BRI3BP: variants seen among roughly 807,000 people sequenced by gnomAD.
BRI3BP encodes the protein BRI3-binding protein.
BRI3BP carries 7 observed loss-of-function variants against 15.8 expected under a neutral mutation model. The ratio of observed to expected loss-of-function variants is 0.44; its 90% confidence interval spans 0.25 to 0.83. BRI3BP has a LOEUF of 0.83. Ranked by LOEUF, BRI3BP falls within the 40% of genes least tolerant of loss-of-function variation. The pLI is 0.20. For missense variants in BRI3BP, 320 were observed against 339.3 expected (o/e 0.94, Z 0.45); for synonymous variants, 192 against 163.5 (o/e 1.17, Z -1.33).
intron 2 of BRI3BP, among the ~76,000 whole-genome samples, chr12:125,016,171 C>T (rs1310959293): frequency 3.3e-5 from 5 of 152,104 alleles, no homozygotes; most frequent in South Asian, 2.1e-4. Context: ...AGCTTGCTTC[C>T]GTGTCGAAGC....
In BRI3BP at chr12:125,028,895, GA is replaced by G. The variant is rs1202510412; in HGVS notation, c.*3466del. On this transcript the variant is annotated 3_prime_UTR_variant, in exon 3 of 3. Coordinates refer to ENST00000341446, the MANE Select transcript of BRI3BP (RefSeq NM_080626.6). ...ATTTTTGTACCATATCTCATACCTG[GA>G]GAGAAACCTTTTTTCTATCTTCAGG... 6.6e-6 allele frequency: 1 copy of G among 152,088 alleles called. No individual in the cohort carries two copies. The highest frequency in any genetic ancestry group is 1.5e-5 in the Non-Finnish European group (1 of 68,022). The allele number at this position is 152,088 out of a possible 1,614,324, so 9.4% of individuals were successfully genotyped here. A position where few individuals can be genotyped will look rare whatever the true frequency, so the allele number is the denominator to read the frequency against.
chr12:125,032,867 G>C (rs1048703938), downstream of BRI3BP, among the ~76,000 whole-genome samples: 1 of 152,208 alleles, frequency 6.6e-6, no homozygotes, highest in Non-Finnish European at 1.5e-5. Context: ...ATCGGATGGG[G>C]ATTAAGAGGA....
Position 125,007,667 on chromosome 12 carries a change from C to T in BRI3BP, c.214-4867C>T, listed in dbSNP as rs576310939. ...CCAGGAGTTTGAGACTGCAGTGAGC[C>T]GTAATTACCCCCACTGTACTCCAGG... is the stretch of plus-strand genomic sequence containing the variant. On this transcript the variant is annotated intron_variant, in intron 1 of 2. Coordinates refer to ENST00000341446, the MANE Select transcript of BRI3BP (RefSeq NM_080626.6). 2.7e-4 allele frequency among the ~76,000 whole-genome samples: 41 copies of T among 151,166 alleles called. No individual in the cohort carries two copies. In the South Asian group the frequency reaches 8.0e-3, roughly 29 times the overall value.
chr12:125,019,489 G>A (rs1446793855), intron 2 of BRI3BP, among the ~76,000 whole-genome samples: 1 of 152,056 alleles, frequency 6.6e-6, no homozygotes, highest in African/African-American at 2.4e-5. Flanking sequence ...GTGACTGTGA[G>A]TTCCTCTCTT....
At chr12:125,036,619 T>C in the BRI3BP span, among the ~76,000 whole-genome samples, 1 of 152,182 alleles carries the variant, frequency 6.6e-6, no homozygotes, top group Non-Finnish European at 1.5e-5. Flanking sequence ...CTCAACATCA[T>C]GCAAGTCCCT....
chr12:124,999,238 A>G (rs1439909371), intron 1 of BRI3BP, among the ~76,000 whole-genome samples: 2 of 152,128 alleles, frequency 1.3e-5, no homozygotes, highest in Non-Finnish European at 2.9e-5. Context: ...TCGTAGTTGC[A>G]TGGAATACAA....
chr12:125,009,726 C>T (rs923452483), intron 1 of BRI3BP, among the ~76,000 whole-genome samples: 1 of 152,162 alleles, frequency 6.6e-6, no homozygotes, highest in African/African-American at 2.4e-5. Flanking sequence ...TGTGAGCCAC[C>T]GTGCCCAGCC....
At chr12:125,043,929 G>A in the BRI3BP span, among the ~76,000 whole-genome samples, 6 of 152,028 alleles carry the variant, frequency 3.9e-5, no homozygotes, top group Non-Finnish European at 7.4e-5. Context: ...GGAGGCTGAG[G>A]TGTGAGGATC....
chr12:125,024,159 G>T (rs963440277), intron 2 of BRI3BP, among the ~76,000 whole-genome samples: 22 of 152,280 alleles, frequency 1.4e-4, no homozygotes, highest in African/African-American at 5.1e-4. Context: ...CATGGCAGAA[G>T]GCAAAGGAGA....
intron 1 of BRI3BP, among the ~76,000 whole-genome samples, chr12:125,010,281 T>C (rs1308134959): frequency 1.3e-5 from 2 of 152,132 alleles, no homozygotes; most frequent in Non-Finnish European, 2.9e-5. Flanking sequence ...CTTATGAATA[T>C]ATATAATATG....
Position 125,028,812 on chromosome 12 carries a change from C to G in BRI3BP, c.*3382C>G, listed in dbSNP as rs1179324673. ...TTGTAGGGTGTTGGGATTGGGCCTC[C>G]CCTCGCCACCCGCCACATGTCTTTG... On this transcript the variant is annotated 3_prime_UTR_variant, in exon 3 of 3. Transcript: ENST00000341446. 2.0e-5 allele frequency: 3 copies of G among 152,126 alleles called. No homozygotes were observed. Among genetic ancestry groups the G allele is most frequent in the Non-Finnish European group, 4.4e-5 (3 of 68,042 alleles). 9.4% of individuals were successfully genotyped at this position (152,126 alleles called of 1,614,324 possible).
intron 1 of BRI3BP, among the ~76,000 whole-genome samples, chr12:125,006,203 C>T (rs1955142645): frequency 6.6e-6 from 1 of 152,178 alleles, no homozygotes; most frequent in African/African-American, 2.4e-5. Flanking sequence ...AGGGCTTCCA[C>T]ATAAGCCTTT....
intron 1 of BRI3BP, 79 bp from the exon 2 acceptor site, chr12:125,012,455 C>G: frequency 8.3e-7 from 1 of 1,203,434 alleles, no homozygotes. Flanking sequence ...CAGGTATAAA[C>G]TCCCAAGCTC....
At chr12:125,044,192 G>A in the BRI3BP span, among the ~76,000 whole-genome samples, 7 of 151,580 alleles carry the variant, frequency 4.6e-5, no homozygotes, top group South Asian at 2.1e-4. Flanking sequence ...TCTCTCTGTC[G>A]CCCAGGCTAG....
chr12:125,042,243 C>T, the BRI3BP span, among the ~76,000 whole-genome samples: 82,232 of 152,040 alleles, frequency 0.54, 24,252 homozygotes, highest in East Asian at 0.69. Flanking sequence ...GAGATTATTT[C>T]ATCACCTGTG....
At chr12:125,034,929 C>T (rs571873241), downstream of BRI3BP, among the ~76,000 whole-genome samples, 19 of 152,240 alleles carry the variant, frequency 1.2e-4, no homozygotes, top group Non-Finnish European at 1.2e-4. Context: ...TGGGATGAAA[C>T]AGCATGTGTC....
the BRI3BP span, among the ~76,000 whole-genome samples, chr12:125,036,310 G>A: frequency 1.3e-5 from 2 of 151,292 alleles, no homozygotes; most frequent in Non-Finnish European, 3.0e-5. Flanking sequence ...CTGATCCCCC[G>A]CCTTGGCCTC....
intron 1 of BRI3BP, among the ~76,000 whole-genome samples, chr12:125,003,194 C>T (rs1340063695): frequency 6.6e-6 from 1 of 152,104 alleles, no homozygotes; most frequent in Non-Finnish European, 1.5e-5. Context: ...TTTGCATGTG[C>T]CTGAGGGTGA....
chr12:125,019,058 A>G (rs986362223), intron 2 of BRI3BP, among the ~76,000 whole-genome samples: 2 of 152,042 alleles, frequency 1.3e-5, no homozygotes, highest in African/African-American at 4.8e-5. Flanking sequence ...GTATTTCACC[A>G]TGTTGGCCAG....
Sources: gnomAD v4.1 joint callset for allele counts (sites outside exome capture counted in the v4.1 genomes callset) on GRCh38, gnomAD v4.1.1 for gene constraint, MANE v1.5 for transcripts, NCBI Gene and HGNC (gene_info 2026-07-23, HGNC 2026-07-21) for gene names.